RCN3: variants seen among roughly 807,000 people sequenced by gnomAD.
RCN3 encodes reticulocalbin-3.
In RCN3, 41 loss-of-function variants were observed where a neutral mutation model predicts 35.9. The ratio of observed to expected loss-of-function variants is 1.14; its 90% CI spans 0.89 to 1.48. The LOEUF (loss-of-function observed/expected upper bound fraction) is 1.48. Among genes scored for constraint, RCN3 ranks in the 40% most tolerant of loss-of-function variants. RCN3 has a pLI of 0.00. For missense variants in RCN3, 451 were observed against 471.3 expected (o/e 0.96, Z 0.40); for synonymous variants, 187 against 193.4 (o/e 0.97, Z 0.27).
At chr19:49,529,130 A>G (rs2080096165) in intron 2 of RCN3, among the ~76,000 whole-genome samples, 2 of 152,128 alleles carry the variant, frequency 1.3e-5, no homozygotes. Context: ...GCAGTGAGCC[A>G]AAATTGCACC....
intron 1 of RCN3, 30 bp from the exon 2 acceptor site, chr19:49,528,437 C>T: frequency 6.8e-7 from 1 of 1,467,338 alleles, no homozygotes; most frequent in South Asian, 1.5e-5. Context: ...TCCCTGTGAC[C>T]CCTGACCCCT....
intron 5 of RCN3, among the ~76,000 whole-genome samples, chr19:49,541,465 T>G (rs2080162497): frequency 6.6e-6 from 1 of 152,000 alleles, no homozygotes; most frequent in Non-Finnish European, 1.5e-5. Flanking sequence ...TGTATAAAAT[T>G]GGGGTGGGTG....
At chr19:49,529,761 T>C (rs1244332967) in intron 2 of RCN3, among the ~76,000 whole-genome samples, 1 of 151,888 alleles carries the variant, frequency 6.6e-6, no homozygotes, top group Non-Finnish European at 1.5e-5. Context: ...TATTTATTTA[T>C]TTATTTACTT....
At chr19:49,534,797 A>T (rs1392620393) in intron 3 of RCN3, among the ~76,000 whole-genome samples, 1 of 151,998 alleles carries the variant, frequency 6.6e-6, no homozygotes, top group Non-Finnish European at 1.5e-5. Context: ...TGACAATATG[A>T]CTAGGGTACT....
intron 5 of RCN3, among the ~76,000 whole-genome samples, chr19:49,541,987 A>C (rs1389069714): frequency 6.6e-6 from 1 of 151,884 alleles, no homozygotes; most frequent in Non-Finnish European, 1.5e-5. Context: ...TCTTAAAAAA[A>C]AAAAGGGGGT....
Position 49,543,551 on chromosome 19 carries a change from T to C in RCN3, c.*338T>C. 1 of 296,354 alleles carries C rather than the reference T, an allele frequency of 3.4e-6. No individual in the cohort carries two copies. 18.4% of individuals were successfully genotyped at this position (296,354 alleles called of 1,614,324 possible). On this transcript the variant is annotated 3_prime_UTR_variant, in exon 7 of 7. Transcript: ENST00000270645. ...GAGCCTCCACCACATAGACTGAAAC[T>C]CCCCTGGCCCCAGCCCTCTCCTGCC...
chr19:49,528,418 C>G (rs1352178999), intron 1 of RCN3, 49 bp from the exon 2 acceptor site: 33 of 1,439,238 alleles, frequency 2.3e-5, no homozygotes, highest in Non-Finnish European at 3.0e-5. Context: ...TATCCCGTGT[C>G]TGTCCCCATC....
chr19:49,528,512 C>T lies in RCN3; in HGVS notation c.40C>T (p.Leu14=), dbSNP rs2080092590. The part of the protein sequence containing the change: ...RPSVLLLLLL[L]RHGAQGKPSP... Reference sequence around the variant, plus strand: ...ATCAGTTCTGCTGCTTCTGTTGCTACTGAGGCACGGGGCCCAGGGGAAGCC... The same window carrying T: ...ATCAGTTCTGCTGCTTCTGTTGCTATTGAGGCACGGGGCCCAGGGGAAGCC... The change falls in exon 2 of 7, where the codon CTG becomes TTG. Residue 14 remains leucine, a synonymous_variant. Coordinates refer to ENST00000270645, the MANE Select transcript of RCN3 (RefSeq NM_020650.3). 2 of 1,543,688 alleles carry T rather than the reference C, an allele frequency of 1.3e-6. No individual in the cohort carries two copies.
chr19:49,541,626 G>A (rs1274945539), intron 5 of RCN3, among the ~76,000 whole-genome samples: 1 of 152,060 alleles, frequency 6.6e-6, no homozygotes, highest in Non-Finnish European at 1.5e-5. Context: ...GCGGGTACCT[G>A]TAATCCCAGC....
At chr19:49,532,614 T>C (rs1211890631) in intron 2 of RCN3, among the ~76,000 whole-genome samples, 1 of 152,166 alleles carries the variant, frequency 6.6e-6, no homozygotes, top group Non-Finnish European at 1.5e-5. Context: ...CCTCAGGTGA[T>C]CTGCCCACTT....
intron 5 of RCN3, among the ~76,000 whole-genome samples, chr19:49,541,933 T>C (rs2080164492): frequency 6.6e-6 from 1 of 151,614 alleles, no homozygotes; most frequent in Non-Finnish European, 1.5e-5. Flanking sequence ...TGAGCTGAGA[T>C]TGCGCCATTG....
At chr19:49,541,140 G>T (rs1568712693) in intron 5 of RCN3, among the ~76,000 whole-genome samples, 3 of 151,918 alleles carry the variant, frequency 2.0e-5, no homozygotes, top group Admixed American at 1.3e-4. Context: ...ATTTTGGTCA[G>T]GCTGGTCTTG....
At chr19:49,529,935 T>C (rs866251006) in intron 2 of RCN3, among the ~76,000 whole-genome samples, 1 of 120,368 alleles carries the variant, frequency 8.3e-6, no homozygotes, top group Non-Finnish European at 1.7e-5. Context: ...TTTGTATTTT[T>C]ATTTTTTATT....
At chr19:49,535,562 G>T (rs1251100332) in intron 3 of RCN3, among the ~76,000 whole-genome samples, 3 of 152,144 alleles carry the variant, frequency 2.0e-5, no homozygotes, top group East Asian at 1.9e-4. Context: ...GATATAATAT[G>T]TTACATAGCC....
In RCN3 at chr19:49,543,222, C is replaced by A. The variant is rs948281798; in HGVS notation, c.*9C>A. On this transcript the variant is annotated 3_prime_UTR_variant, in exon 7 of 7. Transcript: ENST00000270645. ...ACCACGATGAGCTGTGAGCACCGCG[C>A]ACCTGCCACAGCCTCAGAGGCCCGC... 2.5e-6 allele frequency: 4 copies of A among 1,598,058 alleles called. No homozygotes were observed. The highest frequency in any genetic ancestry group is 3.4e-6 in the Non-Finnish European group (4 of 1,169,688).
At position 49,534,639 on chromosome 19, in the gene RCN3, C is replaced by T. The variant is rs77315367; in HGVS notation, c.445+244C>T. 7.7e-3 allele frequency among the ~76,000 whole-genome samples: 1,173 copies of T among 152,120 alleles called. 12 individuals carry two copies. Among genetic ancestry groups the T allele is most frequent in the African/African-American group, 0.027 (1,111 of 41,496 alleles). ...TGCTAAAAACGATCTTTTTTTCAAACATGAAGTCACAATTAGGTGCTAAAA... is the reference window on the plus strand; with the variant it reads ...TGCTAAAAACGATCTTTTTTTCAAATATGAAGTCACAATTAGGTGCTAAAA... On this transcript the variant is annotated intron_variant, in intron 3 of 6. Coordinates refer to ENST00000270645, the MANE Select transcript of RCN3 (RefSeq NM_020650.3).
intron 2 of RCN3, among the ~76,000 whole-genome samples, chr19:49,531,003 A>G (rs1269987978): frequency 6.6e-6 from 1 of 151,854 alleles, no homozygotes; most frequent in Non-Finnish European, 1.5e-5. Flanking sequence ...AAGGGGAGAG[A>G]GTGGGAGGTG....
chr19:49,533,993 G>T (rs1184158108), intron 2 of RCN3, among the ~76,000 whole-genome samples, 200 bp from the exon 3 acceptor site: 1 of 152,172 alleles, frequency 6.6e-6, no homozygotes. Context: ...CTCGACCTGG[G>T]GGTGGACCCT....
intron 2 of RCN3, among the ~76,000 whole-genome samples, chr19:49,532,322 G>A (rs560560496): frequency 1.8e-4 from 27 of 151,362 alleles, no homozygotes; most frequent in Admixed American, 4.0e-4. Flanking sequence ...AGCCAGGATG[G>A]TCTCGATCTC....
Sources: allele counts gnomAD v4.1 joint callset (sites outside exome capture counted in the v4.1 genomes callset), GRCh38; gene constraint gnomAD v4.1.1; transcripts MANE v1.5; gene names NCBI Gene and HGNC (gene_info 2026-07-23, HGNC 2026-07-21).